CAPN8: variants seen among roughly 807,000 people sequenced by gnomAD.
The protein encoded by CAPN8 is calpain-8.
CAPN8 carries 87 observed loss-of-function variants against 80.9 expected under a neutral mutation model. That is an observed-to-expected ratio of 1.07 (90% CI 0.90 to 1.28). The LOEUF is 1.28. CAPN8 is among the 50% of genes most tolerant of loss of function. The probability of loss-of-function intolerance (pLI) is 0.00; values close to 1 mark genes in which losing one functional copy is unlikely to be tolerated. For synonymous variants in CAPN8, 299 were observed against 273.8 expected (o/e 1.09, Z -0.91); for missense variants, 757 against 702.0 (o/e 1.08, Z -0.89).
At chr1:223,638,870 A>G (rs1657976456) in intron 2 of CAPN8, among the ~76,000 whole-genome samples, 1 of 152,198 alleles carries the variant, frequency 6.6e-6, no homozygotes, top group Non-Finnish European at 1.5e-5. Flanking sequence ...CTTTGAACCT[A>G]CAAATGTACC....
chr1:223,647,141 C>A (rs1001074180), intron 2 of CAPN8, among the ~76,000 whole-genome samples: 1 of 152,134 alleles, frequency 6.6e-6, no homozygotes, highest in Admixed American at 6.5e-5. Flanking sequence ...AGAACACTGA[C>A]AAAATTATCT....
chr1:223,628,185 AT>A (rs1253918284), intron 3 of CAPN8, 43 bp from the exon 4 acceptor site: 1 of 1,512,688 alleles, frequency 6.6e-7, no homozygotes, highest in Admixed American at 2.1e-5. Flanking sequence ...GAATAAGCAG[AT>A]GTGTAAAGGG....
chr1:223,558,755 ATGGTGTGTGGTGTGTT>A (rs1381586828), intron 12 of CAPN8, among the ~76,000 whole-genome samples: 1 of 149,716 alleles, frequency 6.7e-6, no homozygotes, highest in Non-Finnish European at 1.5e-5. Context: ...GTGTGCACAT[ATGGTGTGTGGTGTGTT>A]TGGTGTGTGT....
intron 2 of CAPN8, among the ~76,000 whole-genome samples, chr1:223,639,299 A>G (rs1333730627): frequency 6.6e-6 from 1 of 152,198 alleles, no homozygotes; most frequent in Non-Finnish European, 1.5e-5. Context: ...TGGACAGGGT[A>G]AGTTCCTAGA....
intron 12 of CAPN8, 109 bp downstream of exon 12, chr1:223,609,044 T>C: frequency 7.6e-6 from 3 of 396,874 alleles, no homozygotes; most frequent in Non-Finnish European, 1.3e-5. Context: ...AGAGGCTTCT[T>C]CTGGGAACAT....
At chr1:223,617,613 T>C (rs1657239057) in intron 9 of CAPN8, 1 of 152,262 alleles carries the variant, frequency 6.6e-6, no homozygotes, top group Non-Finnish European at 1.5e-5. Flanking sequence ...GGTGAGCATA[T>C]TTTAATTTCT....
At chr1:223,558,668 G>A (rs1229500624) in intron 12 of CAPN8, among the ~76,000 whole-genome samples, 2 of 151,918 alleles carry the variant, frequency 1.3e-5, no homozygotes, top group Admixed American at 1.3e-4. Context: ...GTGTGATTGT[G>A]TGGAGTGTGT....
intron 1 of CAPN8, among the ~76,000 whole-genome samples, chr1:223,660,342 G>A (rs1658612214): frequency 6.6e-6 from 1 of 152,174 alleles, no homozygotes; most frequent in African/African-American, 2.4e-5. Context: ...ACCAAGCACA[G>A]AGGGGAAGCC....
Position 223,627,017 on chromosome 1 carries a change from G to A in CAPN8, c.701C>T (p.Ala234Val), listed in dbSNP as rs929198716. The A allele has an allele frequency of 3.2e-5, 50 of 1,551,714 alleles. No individual in the cohort carries two copies. Among genetic ancestry groups the A allele is most frequent in the South Asian group, 2.5e-4 (21 of 84,062 alleles). The change falls in exon 5 of 21, where the codon GCG becomes GTG. Residue 234 changes from alanine (A) to valine (V), a missense_variant. Coordinates refer to ENST00000366872, the MANE Select transcript of CAPN8 (RefSeq NM_001143962.2). ...LYQIIRKALC[A>V]GSLLGCSIDV... is the part of the protein sequence containing the mutation. ...AATGGAGCAGCCCAGCAGAGACCCC[G>A]CACAGAGGGCCTTCCGGATGATCTG...
chr1:223,554,475 C>T (rs2102693307), intron 13 of CAPN8, among the ~76,000 whole-genome samples: 1 of 152,186 alleles, frequency 6.6e-6, no homozygotes, highest in South Asian at 2.1e-4. Context: ...CAAAAATTAG[C>T]TGGGTGTAGT....
chr1:223,544,859 G>A lies in CAPN8; in HGVS notation c.1834-9C>T. The A allele has an allele frequency of 6.4e-7, 1 of 1,551,572 alleles. No homozygotes were observed. The highest frequency in any genetic ancestry group is 8.7e-7 in the Non-Finnish European group (1 of 1,146,986). Reference sequence around the variant, plus strand: ...GTTTCCCAATAGATCTCCTAAAGCAGGAAAGAAATCCCAAGTAGAAAACAA... The same window carrying A: ...GTTTCCCAATAGATCTCCTAAAGCAAGAAAGAAATCCCAAGTAGAAAACAA... On this transcript the variant is annotated splice_polypyrimidine_tract_variant and intron_variant, in intron 17 of 20. Coordinates refer to ENST00000366872, the MANE Select transcript of CAPN8 (RefSeq NM_001143962.2).
chr1:223,661,958 T>C (rs1396282796), intron 1 of CAPN8, among the ~76,000 whole-genome samples: 1 of 152,204 alleles, frequency 6.6e-6, no homozygotes, highest in Non-Finnish European at 1.5e-5. Context: ...ATGTGGTCTA[T>C]AGACACCACA....
In CAPN8 at chr1:223,544,823, G is replaced by T; in HGVS notation, c.1861C>A (p.His621Asn). 6.4e-7 allele frequency: 1 copy of T among 1,551,690 alleles called. No individual in the cohort carries two copies. The highest frequency in any genetic ancestry group is 8.7e-7 in the Non-Finnish European group (1 of 1,146,996). ...TCGTGGGCATCGATGGTGCCCGAGT[G>T]GTTATAATCAGTTTCCCAATAGATC... Reference protein sequence around the residue: ...LEIYWETDYNHSGTIDAHEMR... With the variant: ...LEIYWETDYNNSGTIDAHEMR... Residue 621 changes from histidine to asparagine, a missense_variant, in exon 18 of 21, where the codon CAC becomes AAC. His to Asn is a moderately conservative substitution (Grantham distance 68). Transcript: ENST00000366872.
At chr1:223,544,580 A>T (rs558531713) in intron 18 of CAPN8, among the ~76,000 whole-genome samples, 192 bp downstream of exon 18, 1 of 152,328 alleles carries the variant, frequency 6.6e-6, no homozygotes, top group East Asian at 1.9e-4. Context: ...CTAAAATATT[A>T]TGCTATATGG....
chr1:223,629,232 T>TGTGTGTATG (rs68132305), intron 2 of CAPN8, among the ~76,000 whole-genome samples: 7,638 of 132,568 alleles, frequency 0.058, 245 homozygotes, highest in Non-Finnish European at 0.075. Flanking sequence ...GTGTGTGTGT[T>TGTGTGTATG]TATGTTCCTT....
chr1:223,547,943 A>G (rs1656668583), intron 16 of CAPN8, among the ~76,000 whole-genome samples: 1 of 152,222 alleles, frequency 6.6e-6, no homozygotes, highest in South Asian at 2.1e-4. Flanking sequence ...AGCATGGAGA[A>G]AAGACACGAG....
intron 1 of CAPN8, among the ~76,000 whole-genome samples, chr1:223,654,686 A>G (rs1224880498): frequency 6.6e-6 from 1 of 151,624 alleles, no homozygotes; most frequent in East Asian, 1.9e-4. Flanking sequence ...ATTTTATTTT[A>G]AGTTTTTGAG....
Position 223,551,108 on chromosome 1 carries a change from C to T in CAPN8, c.1642-91G>A, listed in dbSNP as rs563998550. On this transcript the variant is annotated intron_variant, in intron 14 of 20. Coordinates refer to ENST00000366872, the MANE Select transcript of CAPN8 (RefSeq NM_001143962.2). ...AATGCAGTGCTTCCTCACAGTCAGACACCAGGCCCACTGGCCCTGTGAGGT... is the reference window on the plus strand; with the variant it reads ...AATGCAGTGCTTCCTCACAGTCAGATACCAGGCCCACTGGCCCTGTGAGGT... 10 of 677,046 alleles carry T rather than the reference C, an allele frequency of 1.5e-5. No homozygotes were observed. The African/African-American group carries it at 1.6e-4, about 11-fold the overall frequency. 41.9% of individuals were successfully genotyped at this position (677,046 alleles called of 1,614,324 possible).
In CAPN8 at chr1:223,653,599, G is replaced by C. The variant is rs150973321; in HGVS notation, c.307+731C>G. 2.5e-3 allele frequency among the ~76,000 whole-genome samples: 376 copies of C among 152,138 alleles called. 2 individuals are homozygous for C. The highest frequency in any genetic ancestry group is 4.2e-3 in the Non-Finnish European group (287 of 67,996). On this transcript the variant is annotated intron_variant, in intron 2 of 20. Coordinates refer to ENST00000366872, the MANE Select transcript of CAPN8 (RefSeq NM_001143962.2). ...TGCAGCTGTCACTGGATGGTGGTTTGGAAGCCCCTCAAATTCAATTCAGAG... is the reference window on the plus strand; with the variant it reads ...TGCAGCTGTCACTGGATGGTGGTTTCGAAGCCCCTCAAATTCAATTCAGAG...
Sources: allele counts gnomAD v4.1 joint callset (sites outside exome capture counted in the v4.1 genomes callset), GRCh38; gene constraint gnomAD v4.1.1; transcripts MANE v1.5; gene names NCBI Gene and HGNC (gene_info 2026-07-23, HGNC 2026-07-21).